SEMA6D: variants seen among roughly 807,000 people sequenced by gnomAD.
The protein encoded by SEMA6D is semaphorin 6D, also known as semaphorin-6D.
In SEMA6D, 35 loss-of-function variants were observed where a neutral mutation model predicts 106.6. The ratio of observed to expected loss-of-function variants is 0.33; its 90% CI spans 0.25 to 0.44. SEMA6D has a LOEUF of 0.44. SEMA6D is among the 20% of genes least tolerant of loss of function. SEMA6D has a pLI of 1.00. For missense variants in SEMA6D, 1,185 were observed against 1,345.9 expected (o/e 0.88, Z 1.87); for synonymous variants, 499 against 487.7 (o/e 1.02, Z -0.31).
intron 4 of SEMA6D, among the ~76,000 whole-genome samples, chr15:47,608,649 T>A (rs955134394): frequency 6.6e-6 from 1 of 152,184 alleles, no homozygotes; most frequent in African/African-American, 2.4e-5. Flanking sequence ...CATTACCTAT[T>A]AATGTATATT....
intron 1 of SEMA6D, among the ~76,000 whole-genome samples, chr15:47,395,875 T>A (rs1389288706): frequency 6.6e-6 from 1 of 152,214 alleles, no homozygotes; most frequent in Non-Finnish European, 1.5e-5. Context: ...TATATGGAGC[T>A]GTTGTAGATT....
At chr15:47,394,838 A>G (rs2040156787) in intron 1 of SEMA6D, among the ~76,000 whole-genome samples, 1 of 152,184 alleles carries the variant, frequency 6.6e-6, no homozygotes, top group African/African-American at 2.4e-5. Flanking sequence ...GTCCTCTTTG[A>G]CGATTTACAT....
At chr15:47,489,259 T>C (rs976542595) in intron 3 of SEMA6D, among the ~76,000 whole-genome samples, 3 of 152,170 alleles carry the variant, frequency 2.0e-5, no homozygotes, top group African/African-American at 7.2e-5. Flanking sequence ...CTGGAGTCTT[T>C]GGAGGGGGCA....
intron 1 of SEMA6D, among the ~76,000 whole-genome samples, chr15:47,744,707 G>A (rs1004433383): frequency 1.3e-5 from 2 of 152,320 alleles, no homozygotes; most frequent in South Asian, 2.1e-4. Context: ...GTGGTTCAGC[G>A]TCACAGATCA....
chr15:47,713,223 G>A (rs2079052638), upstream of SEMA6D, among the ~76,000 whole-genome samples: 1 of 152,016 alleles, frequency 6.6e-6, no homozygotes, highest in African/African-American at 2.4e-5. Context: ...TCAGAGTGTA[G>A]AGCAAAAATT....
chr15:47,559,110 C>T (rs2046002394), intron 3 of SEMA6D, among the ~76,000 whole-genome samples: 1 of 152,018 alleles, frequency 6.6e-6, no homozygotes. Context: ...GTGTATCTCC[C>T]AAGCTGCTAG....
At chr15:47,350,820 G>C (rs1204405062) in intron 1 of SEMA6D, among the ~76,000 whole-genome samples, 2 of 152,142 alleles carry the variant, frequency 1.3e-5, no homozygotes, top group East Asian at 3.9e-4. Context: ...ACAGTATTAT[G>C]AGTGGCTTCT....
At chr15:47,473,834 C>T (rs1387781245) in intron 3 of SEMA6D, among the ~76,000 whole-genome samples, 1 of 152,114 alleles carries the variant, frequency 6.6e-6, no homozygotes, top group Non-Finnish European at 1.5e-5. Flanking sequence ...GAAACTCCTT[C>T]TTTCCCCTTG....
intron 2 of SEMA6D, among the ~76,000 whole-genome samples, chr15:47,418,817 T>C (rs1320263544): frequency 6.6e-6 from 1 of 152,118 alleles, no homozygotes; most frequent in East Asian, 1.9e-4. Flanking sequence ...AAAGAACTTG[T>C]CTGTAAGAAC....
chr15:47,552,868 T>TTATATATATATAAATATATATAAATA (rs1272270098), intron 3 of SEMA6D, among the ~76,000 whole-genome samples: 12 of 57,204 alleles, frequency 2.1e-4, no homozygotes, highest in African/African-American at 8.7e-4. Context: ...ATATATATTT[T>TTATATATATATAAATATATATAAATA]TATATATATA....
In SEMA6D at chr15:47,297,884, AAAG is replaced by A. The variant is rs746339109; in HGVS notation, c.-239+113470_-239+113472del. On this transcript the variant is annotated intron_variant, in intron 1 of 19. Coordinates refer to the SEMA6D transcript ENST00000558014. ...GAGAGGAAAGCCAACACAAATGAGAAAAGAAGGAGGTTGGCATGTTTCAAGGAC... is the reference window on the plus strand; with the variant it reads ...GAGAGGAAAGCCAACACAAATGAGAAAAGGAGGTTGGCATGTTTCAAGGAC... 5.9e-5 allele frequency among the ~76,000 whole-genome samples: 9 copies of A among 152,088 alleles called. No individual in the cohort carries two copies. The South Asian group carries it at 1.0e-3, about 18-fold the overall frequency.
At chr15:47,297,596 C>A (rs2035855485) in intron 1 of SEMA6D, among the ~76,000 whole-genome samples, 1 of 152,094 alleles carries the variant, frequency 6.6e-6, no homozygotes, top group Non-Finnish European at 1.5e-5. Flanking sequence ...AGACACTGGC[C>A]CAGGTGCTGT....
intron 1 of SEMA6D, among the ~76,000 whole-genome samples, chr15:47,184,715 C>G (rs934923858): frequency 1.3e-5 from 2 of 152,158 alleles, no homozygotes; most frequent in Non-Finnish European, 2.9e-5. Flanking sequence ...GGGGAGGGAG[C>G]GGAAGCCACT....
chr15:47,210,529 C>G (rs1895417691), intron 1 of SEMA6D, among the ~76,000 whole-genome samples: 3 of 151,820 alleles, frequency 2.0e-5, no homozygotes, highest in Admixed American at 2.0e-4. Flanking sequence ...AATCCCAGCA[C>G]TTTGGGAGGC....
intron 2 of SEMA6D, among the ~76,000 whole-genome samples, chr15:47,417,904 G>C (rs1488739230): frequency 6.6e-6 from 1 of 151,558 alleles, no homozygotes. Context: ...TTGTGTATTG[G>C]GGATACTGAA....
intron 4 of SEMA6D, among the ~76,000 whole-genome samples, chr15:47,675,592 A>T (rs956816637): frequency 2.0e-5 from 3 of 152,164 alleles, no homozygotes; most frequent in Non-Finnish European, 2.9e-5. Flanking sequence ...TTGGCACACT[A>T]ATGTACTCCC....
At chr15:47,555,813 G>T (rs1249799987) in intron 3 of SEMA6D, among the ~76,000 whole-genome samples, 1 of 152,126 alleles carries the variant, frequency 6.6e-6, no homozygotes, top group Non-Finnish European at 1.5e-5. Flanking sequence ...CATAAATTGG[G>T]TCAAATTCTC....
chr15:47,304,586 G>A (rs936190679), intron 1 of SEMA6D, among the ~76,000 whole-genome samples: 2 of 151,964 alleles, frequency 1.3e-5, no homozygotes, highest in South Asian at 2.1e-4. Flanking sequence ...GGTCTTGTCC[G>A]TATTAGGAAT....
chr15:47,205,271 A>G lies in SEMA6D; in HGVS notation c.-239+20853A>G, dbSNP rs74013741. ...TTGTCTTCTCCTTTTTGCTCTTATG[A>G]ATTTTGAAAATTTGATGTGATTAAC... On this transcript the variant is annotated intron_variant, in intron 1 of 19. Coordinates refer to the SEMA6D transcript ENST00000558014. Among the ~76,000 whole-genome samples, 457 of 152,242 alleles carry G rather than the reference A, an allele frequency of 3.0e-3. 1 individual carries two copies. The highest frequency in any genetic ancestry group is 0.011 in the African/African-American group (439 of 41,550).
Sources: gnomAD v4.1 joint callset for allele counts (sites outside exome capture counted in the v4.1 genomes callset) on GRCh38, gnomAD v4.1.1 for gene constraint, MANE v1.5 for transcripts, NCBI Gene and HGNC (gene_info 2026-07-23, HGNC 2026-07-21) for gene names.